Variants in CHODL observed in about 807,000 individuals in gnomAD.
CHODL encodes chondrolectin, also known as transmembrane protein MT75.
In CHODL, 29 loss-of-function variants were observed where a neutral mutation model predicts 34.5. That is an observed-to-expected ratio of 0.84 (90% CI 0.63 to 1.15). The LOEUF (loss-of-function observed/expected upper bound fraction) is 1.15. Ranked by LOEUF, CHODL falls within the 50% of genes most tolerant of loss-of-function variation. CHODL has a pLI of 0.00. For synonymous variants in CHODL, 125 were observed against 116.1 expected (o/e 1.08, Z -0.49); for missense variants, 332 against 332.5 (o/e 1.00, Z 0.01).
At chr21:18,080,391 A>G (rs761390689) in intron 2 of CHODL, among the ~76,000 whole-genome samples, 7 of 152,160 alleles carry the variant, frequency 4.6e-5, no homozygotes, top group African/African-American at 7.2e-5. Flanking sequence ...AGACTTGGTT[A>G]TAAATATTTT....
intron 1 of CHODL, among the ~76,000 whole-genome samples, chr21:17,937,788 A>C (rs1002822600): frequency 3.3e-5 from 5 of 152,152 alleles, no homozygotes; most frequent in African/African-American, 1.2e-4. Context: ...AAAGTTATCT[A>C]TAGTTTTTAA....
intron 2 of CHODL, among the ~76,000 whole-genome samples, chr21:18,146,136 T>A (rs1295859158): frequency 1.5e-5 from 2 of 132,266 alleles, no homozygotes; most frequent in East Asian, 4.0e-4. Flanking sequence ...CCCGGTTAAT[T>A]TTTTTTTTTT....
intron 2 of CHODL, among the ~76,000 whole-genome samples, chr21:18,210,722 A>T (rs1216085621): frequency 1.3e-5 from 2 of 152,150 alleles, no homozygotes; most frequent in East Asian, 3.9e-4. Flanking sequence ...ATCATTTCTT[A>T]CATGGTCTAC....
intron 1 of CHODL, among the ~76,000 whole-genome samples, chr21:18,248,916 C>CATATATATGTATACAT: frequency 9.1e-6 from 1 of 109,704 alleles, no homozygotes; most frequent in Non-Finnish European, 1.7e-5. Flanking sequence ...ATGTATAATA[C>CATATATATGTATACAT]ATATATATGT....
Position 18,266,095 on chromosome 21 carries a change from A to T in CHODL, c.*57A>T. ...ATTCTGGATCTGTATAAGGAATGGC[A>T]TCAGAACAATAGCTTGGAATGGCTT... On this transcript the variant is annotated 3_prime_UTR_variant, in exon 6 of 6. Coordinates refer to ENST00000299295, the MANE Select transcript of CHODL (RefSeq NM_024944.3). 6.2e-7 allele frequency: 1 copy of T among 1,613,420 alleles called. No homozygotes were observed. The highest frequency in any genetic ancestry group is 8.5e-7 in the Non-Finnish European group (1 of 1,179,580).
chr21:18,120,022 A>G (rs141439019), intron 2 of CHODL, among the ~76,000 whole-genome samples: 372 of 152,288 alleles, frequency 2.4e-3, no homozygotes, highest in Middle Eastern at 0.01. Context: ...AGAAATTTGT[A>G]TCTTGGGATG....
chr21:18,118,475 A>G (rs545633371), intron 2 of CHODL, among the ~76,000 whole-genome samples: 2 of 152,298 alleles, frequency 1.3e-5, no homozygotes, highest in South Asian at 4.1e-4. Context: ...ATATTGTCTG[A>G]ATTAGCTTTA....
intron 2 of CHODL, among the ~76,000 whole-genome samples, chr21:18,218,891 A>G (rs2146735281): frequency 6.6e-6 from 1 of 152,148 alleles, no homozygotes; most frequent in East Asian, 1.9e-4. Context: ...CCATATTAGT[A>G]TCAGCATTTT....
chr21:18,114,371 A>G (rs891483132), intron 2 of CHODL, among the ~76,000 whole-genome samples: 2 of 152,190 alleles, frequency 1.3e-5, no homozygotes, highest in African/African-American at 4.8e-5. Flanking sequence ...CATATTGCAT[A>G]TCTGTATCAA....
At position 18,028,238 on chromosome 21, in the gene CHODL, C is replaced by G. The variant is rs1305802182; in HGVS notation, c.-45+267C>G. ...CCCTCCCCTCCCCTCCCCTCCCCTT[C>G]CCCTTCCCCTTTTCCTTTTCTTTTT... On this transcript the variant is annotated intron_variant, in intron 2 of 6. Transcript: ENST00000400127. Among the ~76,000 whole-genome samples, 3 of 100,546 alleles carry G rather than the reference C, an allele frequency of 3.0e-5. 1 individual carries two copies. The highest frequency in any genetic ancestry group is 5.9e-5 in the Non-Finnish European group (3 of 50,676). The allele number at this position is 100,546 out of a possible 152,430, so 66.0% of individuals were successfully genotyped here.
intron 1 of CHODL, among the ~76,000 whole-genome samples, chr21:17,918,108 G>A (rs2063155459): frequency 6.6e-6 from 1 of 152,160 alleles, no homozygotes; most frequent in South Asian, 2.1e-4. Flanking sequence ...GAAGGTGTTA[G>A]GCAGATGAAG....
chr21:18,026,782 T>A, intron 1 of CHODL, among the ~76,000 whole-genome samples: 1 of 152,216 alleles, frequency 6.6e-6, no homozygotes, highest in East Asian at 1.9e-4. Context: ...GAATGCTATG[T>A]GCACTGTAAT....
chr21:18,149,337 C>T (rs181006308), intron 2 of CHODL, among the ~76,000 whole-genome samples: 4 of 152,180 alleles, frequency 2.6e-5, no homozygotes, highest in Non-Finnish European at 4.4e-5. Context: ...GAGATGAAAG[C>T]GACTGACTGT....
At chr21:18,176,273 G>A (rs749585932) in intron 2 of CHODL, among the ~76,000 whole-genome samples, 1 of 152,180 alleles carries the variant, frequency 6.6e-6, no homozygotes. Flanking sequence ...TGTGAGGTCA[G>A]CTACTCTAGG....
chr21:17,951,131 TGTG>T (rs2063454165), intron 1 of CHODL, among the ~76,000 whole-genome samples: 5 of 151,578 alleles, frequency 3.3e-5, no homozygotes, highest in African/African-American at 7.3e-5. Context: ...TGTGTGTGTG[TGTG>T]TGTGTACAAA....
chr21:18,141,723 G>GA (rs11308901), intron 2 of CHODL, among the ~76,000 whole-genome samples: 373 of 124,558 alleles, frequency 3.0e-3, no homozygotes, highest in Non-Finnish European at 4.3e-3. Flanking sequence ...GAAAGAACAG[G>GA]AAAAAAAAAA....
At chr21:18,094,966 A>AC (rs2065121258) in intron 2 of CHODL, among the ~76,000 whole-genome samples, 1 of 152,012 alleles carries the variant, frequency 6.6e-6, no homozygotes. Context: ...TCTACTAAAA[A>AC]TAAAAAAATT....
intron 2 of CHODL, among the ~76,000 whole-genome samples, chr21:18,111,906 A>G (rs1222455377): frequency 6.6e-6 from 1 of 152,194 alleles, no homozygotes; most frequent in Non-Finnish European, 1.5e-5. Flanking sequence ...TGTTTACTCT[A>G]GGAGCAAAAC....
intron 2 of CHODL, among the ~76,000 whole-genome samples, chr21:18,199,385 C>T (rs2073626505): frequency 6.6e-6 from 1 of 152,060 alleles, no homozygotes. Flanking sequence ...GTTTCCTTCC[C>T]ATATACTCCC....
Sources: gnomAD v4.1 joint callset for allele counts (sites outside exome capture counted in the v4.1 genomes callset) on GRCh38, gnomAD v4.1.1 for gene constraint, MANE v1.5 for transcripts, NCBI Gene and HGNC (gene_info 2026-07-23, HGNC 2026-07-21) for gene names.